NRG1: variants seen among roughly 807,000 people sequenced by gnomAD.
NRG1 encodes the protein neuregulin 1.
A neutral mutation model predicts 63.8 loss-of-function variants in NRG1; 18 were observed. The observed-to-expected ratio is 0.28, with a 90% CI of 0.19 to 0.42. The LOEUF (loss-of-function observed/expected upper bound fraction) is 0.42. Among genes scored for constraint, NRG1 ranks in the 10% least tolerant of loss-of-function variants. The pLI is 1.00. For synonymous variants in NRG1, 302 were observed against 301.3 expected (o/e 1.00, Z -0.02); for missense variants, 762 against 814.7 (o/e 0.94, Z 0.79).
At chr8:32,111,166 G>A (rs929892151) in intron 1 of NRG1, among the ~76,000 whole-genome samples, 1 of 151,902 alleles carries the variant, frequency 6.6e-6, no homozygotes, top group South Asian at 2.1e-4. Context: ...ACCCAGGCTG[G>A]AGTGCCGCGG....
chr8:32,270,216 T>G (rs1343250826), intron 1 of NRG1, among the ~76,000 whole-genome samples: 2 of 152,180 alleles, frequency 1.3e-5, no homozygotes, highest in African/African-American at 4.8e-5. Flanking sequence ...TAAATTCATA[T>G]GTTAGCAATA....
Position 31,786,226 on chromosome 8 carries a change from A to G in NRG1, c.37+146795A>G, listed in dbSNP as rs1820153588. On this transcript the variant is annotated intron_variant, in intron 1 of 10. Transcript: ENST00000519301. ...AAGAGACATAAACAAGGAAAAGTAC[A>G]TTCTCCATGCTGCATATGTGTGGCT... 2.6e-5 allele frequency among the ~76,000 whole-genome samples: 4 copies of G among 152,334 alleles called. No individual in the cohort carries two copies. In the South Asian group the frequency reaches 6.2e-4, roughly 24 times the overall value.
intron 1 of NRG1, among the ~76,000 whole-genome samples, chr8:31,788,665 C>G (rs1342364779): frequency 1.3e-5 from 2 of 152,264 alleles, no homozygotes; most frequent in African/African-American, 4.8e-5. Context: ...GAGCAATAAA[C>G]AGTATATACC....
At chr8:32,119,027 T>C (rs1833100134) in intron 1 of NRG1, among the ~76,000 whole-genome samples, 1 of 152,096 alleles carries the variant, frequency 6.6e-6, no homozygotes, top group Non-Finnish European at 1.5e-5. Flanking sequence ...AATAAATTGC[T>C]CAATTTATTG....
intron 1 of NRG1, among the ~76,000 whole-genome samples, chr8:32,126,680 G>A (rs1275385371): frequency 6.6e-6 from 1 of 151,890 alleles, no homozygotes; most frequent in Non-Finnish European, 1.5e-5. Context: ...CCAGCCCATG[G>A]TGGCACTGAT....
At chr8:32,569,326 G>A (rs1413557098) in intron 1 of NRG1, among the ~76,000 whole-genome samples, 1 of 152,158 alleles carries the variant, frequency 6.6e-6, no homozygotes, top group Non-Finnish European at 1.5e-5. Context: ...TGGGATTACA[G>A]GCATGAGCCA....
intron 1 of NRG1, among the ~76,000 whole-genome samples, chr8:31,792,751 A>G (rs1042441232): frequency 6.6e-6 from 1 of 152,148 alleles, no homozygotes. Flanking sequence ...CTTTGCAGTA[A>G]TCTCCCTCAC....
rs560335422 is a variant in NRG1 at position 31,838,799 on chromosome 8, G to C, written c.37+199368G>C. On this transcript the variant is annotated intron_variant, in intron 1 of 10. Transcript: ENST00000519301. ...TTAGAAAAAAAATATTTTAGCAATT[G>C]GTTATTTTATGTTTTCCAAAGACCT... 5.3e-5 allele frequency among the ~76,000 whole-genome samples: 8 copies of C among 152,134 alleles called. No homozygotes were observed. In the East Asian group the frequency reaches 1.5e-3, roughly 29 times the overall value.
At chr8:32,258,595 C>T (rs530481470) in intron 1 of NRG1, among the ~76,000 whole-genome samples, 6 of 152,270 alleles carry the variant, frequency 3.9e-5, no homozygotes, top group African/African-American at 9.6e-5. Context: ...AGGAAGCAGG[C>T]ATATCTTACA....
intron 1 of NRG1, among the ~76,000 whole-genome samples, chr8:32,296,633 A>G (rs1854915183): frequency 1.4e-5 from 2 of 145,406 alleles, no homozygotes; most frequent in South Asian, 4.3e-4. Flanking sequence ...AAAAAAAAAA[A>G]GCTTCCTTAA....
chr8:32,081,335 C>A (rs1827433834), intron 1 of NRG1, among the ~76,000 whole-genome samples: 2 of 152,172 alleles, frequency 1.3e-5, no homozygotes, highest in South Asian at 4.2e-4. Flanking sequence ...ATGGAGGTAG[C>A]CCTAGAATTT....
intron 5 of NRG1, among the ~76,000 whole-genome samples, chr8:32,716,346 G>T (rs534568832): frequency 9.9e-5 from 15 of 152,192 alleles, no homozygotes; most frequent in African/African-American, 3.4e-4. Flanking sequence ...TTGGAAGAAT[G>T]AACACAGCCT....
At chr8:32,039,556 G>T (rs886110391) in intron 1 of NRG1, among the ~76,000 whole-genome samples, 2 of 152,190 alleles carry the variant, frequency 1.3e-5, no homozygotes, top group Non-Finnish European at 2.9e-5. Context: ...TAGGGTTTAT[G>T]ATAAAAGATG....
At chr8:31,833,108 C>T (rs1325041805) in intron 1 of NRG1, among the ~76,000 whole-genome samples, 1 of 151,918 alleles carries the variant, frequency 6.6e-6, no homozygotes, top group African/African-American at 2.4e-5. Context: ...AGTGTGGAAA[C>T]TGTTCAAAGA....
At chr8:32,557,737 G>C (rs1426302575) in intron 1 of NRG1, among the ~76,000 whole-genome samples, 1 of 152,020 alleles carries the variant, frequency 6.6e-6, no homozygotes, top group Non-Finnish European at 1.5e-5. Flanking sequence ...TTTTGGGAAA[G>C]AGTAATACTT....
intron 1 of NRG1, among the ~76,000 whole-genome samples, chr8:32,184,875 A>G (rs899447098): frequency 2.6e-5 from 4 of 152,172 alleles, no homozygotes; most frequent in Non-Finnish European, 5.9e-5. Flanking sequence ...TGGGCTTCCA[A>G]GGATACTTCC....
At chr8:31,973,541 T>C (rs1807649750) in intron 1 of NRG1, among the ~76,000 whole-genome samples, 1 of 152,194 alleles carries the variant, frequency 6.6e-6, no homozygotes, top group Non-Finnish European at 1.5e-5. Context: ...TCGTGATTTA[T>C]TCAAAGTCAT....
At chr8:32,533,510 C>T (rs1831662818) in intron 1 of NRG1, among the ~76,000 whole-genome samples, 1 of 152,016 alleles carries the variant, frequency 6.6e-6, no homozygotes, top group African/African-American at 2.4e-5. Context: ...AATCACAGAA[C>T]ACGCTGTTTT....
intron 1 of NRG1, among the ~76,000 whole-genome samples, chr8:32,046,181 A>G (rs915495126): frequency 1.3e-5 from 2 of 152,098 alleles, no homozygotes; most frequent in African/African-American, 4.8e-5. Flanking sequence ...AGGTAATCAA[A>G]CAGAACTATG....
Sources: gnomAD v4.1 joint callset for allele counts (sites outside exome capture counted in the v4.1 genomes callset) on GRCh38, gnomAD v4.1.1 for gene constraint, MANE v1.5 for transcripts, NCBI Gene and HGNC (gene_info 2026-07-23, HGNC 2026-07-21) for gene names.